CSF2: variants seen among roughly 807,000 people sequenced by gnomAD.
CSF2 encodes the protein colony stimulating factor 2.
CSF2 carries 2 observed loss-of-function variants against 13.5 expected under a neutral mutation model. The observed-to-expected ratio is 0.15, with a 90% CI of 0.06 to 0.47. CSF2 has a LOEUF of 0.47. CSF2 is among the 20% of genes least tolerant of loss of function. The pLI is 0.97. For synonymous variants in CSF2, 66 were observed against 69.2 expected (o/e 0.95, Z 0.23); for missense variants, 141 against 179.7 (o/e 0.78, Z 1.23).
Position 132,075,999 on chromosome 5 carries a change from C to T in CSF2, c.*147C>T, listed in dbSNP as rs1756700430. The stretch of plus-strand genomic sequence containing the variant: ...TGGACCTGCCCTGGGCCACACTGAC[C>T]CTGATACAGGCATGGCAGAAGAATG... On this transcript the variant is annotated 3_prime_UTR_variant, in exon 4 of 4. Transcript: ENST00000296871. 1.9e-5 allele frequency: 13 copies of T among 681,616 alleles called. No homozygotes were observed. The South Asian group carries it at 2.0e-4, about 10-fold the overall frequency. 42.2% of individuals were successfully genotyped at this position (681,616 alleles called of 1,614,324 possible).
intron 3 of CSF2, 61 bp downstream of exon 3, chr5:132,074,996 T>C (rs1756683863): frequency 6.2e-7 from 1 of 1,610,590 alleles, no homozygotes; most frequent in Non-Finnish European, 8.5e-7. Context: ...GGGGTCGACA[T>C]GGGGAGAGAT....
chr5:132,075,922 T>C lies in CSF2; in HGVS notation c.*70T>C, dbSNP rs576557140. 2.2e-5 allele frequency: 28 copies of C among 1,296,930 alleles called. No homozygotes were observed. In the East Asian group the frequency reaches 4.4e-4, roughly 20 times the overall value. The allele number at this position is 1,296,930 out of a possible 1,614,324, so 80.3% of individuals were successfully genotyped here. A position where few individuals can be genotyped will look rare whatever the true frequency, so the allele number is the denominator to read the frequency against. On this transcript the variant is annotated 3_prime_UTR_variant, in exon 4 of 4. Transcript: ENST00000296871. Reference sequence around the variant, plus strand: ...TGAAACAAGAGCTAGAAACTCAGGATGGTCATCTTGGAGGGACCAAGGGGT... The same window carrying C: ...TGAAACAAGAGCTAGAAACTCAGGACGGTCATCTTGGAGGGACCAAGGGGT...
intron 3 of CSF2, among the ~76,000 whole-genome samples, chr5:132,075,362 C>CTCAG (rs1305744557): frequency 2.0e-5 from 3 of 152,238 alleles, no homozygotes; most frequent in Non-Finnish European, 4.4e-5. Flanking sequence ...GGACAAGGAC[C>CTCAG]TCAGGCACTC....
intron 2 of CSF2, 82 bp downstream of exon 2, chr5:132,074,204 C>A: frequency 6.7e-7 from 1 of 1,487,130 alleles, no homozygotes; most frequent in Non-Finnish European, 9.3e-7. Context: ...GATGGCACCA[C>A]ACAGGGTTGT....
intron 2 of CSF2, among the ~76,000 whole-genome samples, chr5:132,074,370 G>A (rs1361817839): frequency 6.6e-6 from 1 of 152,212 alleles, no homozygotes; most frequent in Non-Finnish European, 1.5e-5. Context: ...AGTCACCAGG[G>A]GACAGGTGGT....
Position 132,075,885 on chromosome 5 carries a change from G to A in CSF2, c.*33G>A. On this transcript the variant is annotated 3_prime_UTR_variant, in exon 4 of 4. Transcript: ENST00000296871. ...CAGATGAGGCTGGCCAAGCCGGGGA[G>A]CTGCTCTCTCATGAAACAAGAGCTA... 2 of 1,493,642 alleles carry A rather than the reference G, an allele frequency of 1.3e-6. No individual in the cohort carries two copies. Among genetic ancestry groups the A allele is most frequent in the Non-Finnish European group, 1.9e-6 (2 of 1,079,042 alleles). The allele number at this position is 1,493,642 out of a possible 1,614,324, so 92.5% of individuals were successfully genotyped here.
Position 132,074,061 on chromosome 5 carries a change from G to A in CSF2, c.160-20G>A, listed in dbSNP as rs1425833937. On this transcript the variant is annotated intron_variant, in intron 1 of 3. Coordinates refer to ENST00000296871, the MANE Select transcript of CSF2 (RefSeq NM_000758.4). ...GCCACGCCTGTCAGCTTGATAACATGACATTTTCCTTTTCTACAGAATGAA... is the reference window on the plus strand; with the variant it reads ...GCCACGCCTGTCAGCTTGATAACATAACATTTTCCTTTTCTACAGAATGAA... 1 of 1,613,868 alleles carries A rather than the reference G, an allele frequency of 6.2e-7. No homozygotes were observed. The highest frequency in any genetic ancestry group is 1.7e-5 in the Admixed American group (1 of 60,024).
chr5:132,074,200 A>G, intron 2 of CSF2, 78 bp downstream of exon 2: 1 of 1,502,760 alleles, frequency 6.7e-7, no homozygotes, highest in Non-Finnish European at 9.2e-7. Flanking sequence ...TTTAGATGGC[A>G]CCACACAGGG....
At position 132,075,940 on chromosome 5, in the gene CSF2, C is replaced by G; in HGVS notation, c.*88C>G. The G allele has an allele frequency of 9.0e-7, 1 of 1,107,192 alleles. No individual in the cohort carries two copies. The highest frequency in any genetic ancestry group is 1.4e-6 in the Non-Finnish European group (1 of 733,754). 68.6% of individuals were successfully genotyped at this position (1,107,192 alleles called of 1,614,324 possible). A position where few individuals can be genotyped will look rare whatever the true frequency, so the allele number is the denominator to read the frequency against. ...CTCAGGATGGTCATCTTGGAGGGAC[C>G]AAGGGGTGGGCCACAGCCATGGTGG... is the stretch of plus-strand genomic sequence containing the variant. On this transcript the variant is annotated 3_prime_UTR_variant, in exon 4 of 4. Transcript: ENST00000296871.
At chr5:132,074,614 G>T (rs1756677014) in intron 2 of CSF2, among the ~76,000 whole-genome samples, 196 bp from the exon 3 acceptor site, 2 of 152,146 alleles carry the variant, frequency 1.3e-5, no homozygotes, top group Admixed American at 6.5e-5. Context: ...CGCTGAGGGT[G>T]GCCTGGGCGG....
chr5:132,073,887 T>G lies in CSF2; in HGVS notation c.64T>G (p.Ser22Ala), dbSNP rs1484175837. The G allele has an allele frequency of 1.2e-6, 2 of 1,612,984 alleles. No homozygotes were observed. The highest frequency in any genetic ancestry group is 1.6e-4 in the Middle Eastern group (1 of 6,066). The change falls in exon 1 of 4, where the codon TCG becomes GCG. Residue 22 changes from serine (S) to alanine (A), a missense_variant. Transcript: ENST00000296871. ...VACSISAPAR[S>A]PSPSTQPWEH... The stretch of plus-strand genomic sequence containing the variant: ...CTGCAGCATCTCTGCACCCGCCCGC[T>G]CGCCCAGCCCCAGCACGCAGCCCTG...
chr5:132,075,843 C>G lies in CSF2; in HGVS notation c.426C>G (p.Val142=), dbSNP rs564912678. 1 of 1,608,848 alleles carries G rather than the reference C, an allele frequency of 6.2e-7. No individual in the cohort carries two copies. Among genetic ancestry groups the G allele is most frequent in the South Asian group, 1.1e-5 (1 of 91,040 alleles). The change falls in exon 4 of 4, where the codon GTC becomes GTG. Residue 142 remains valine (V), a synonymous_variant. Transcript: ENST00000296871. ...LVIPFDCWEP[V]QE ...TCCCCTTTGACTGCTGGGAGCCAGT[C>G]CAGGAGTGAGACCGGCCAGATGAGG... is the stretch of plus-strand genomic sequence containing the variant.
In CSF2 at chr5:132,073,955, C is replaced by T. The variant is rs752575776; in HGVS notation, c.132C>T (p.Asn44=). 2 of 1,613,498 alleles carry T rather than the reference C, an allele frequency of 1.2e-6. No individual in the cohort carries two copies. The highest frequency in any genetic ancestry group is 2.2e-5 in the South Asian group (2 of 91,082). The change falls in exon 1 of 4, where the codon AAC becomes AAT. Residue 44 remains asparagine, a synonymous_variant. Coordinates refer to ENST00000296871, the MANE Select transcript of CSF2 (RefSeq NM_000758.4). ...TCCAGGAGGCCCGGCGTCTCCTGAA[C>T]CTGAGTAGAGACACTGCTGCTGAGA... The part of the protein sequence containing the change: ...NAIQEARRLL[N]LSRDTAAEMN...
rs13306290 is a variant in CSF2, at chr5:132,074,976, T to C, written c.327+41T>C. On this transcript the variant is annotated intron_variant, in intron 3 of 3. Coordinates refer to ENST00000296871, the MANE Select transcript of CSF2 (RefSeq NM_000758.4). ...AGGGCCTCCAGCAGGAATGTCTTAA[T>C]CTAGGGGGTGGGGTCGACATGGGGA... 178 of 1,612,278 alleles carry C rather than the reference T, an allele frequency of 1.1e-4. No homozygotes were observed. In the East Asian group the frequency reaches 3.9e-3, roughly 35 times the overall value.
rs577891805 is a variant in CSF2, at chr5:132,075,734, T to C, written c.328-11T>C. ...TGGACTCAAGTGTTTTTTATTTTTCTTTTTTTAAAGGAAACTTCCTGTGCA... is the reference window on the plus strand; with the variant it reads ...TGGACTCAAGTGTTTTTTATTTTTCCTTTTTTAAAGGAAACTTCCTGTGCA... On this transcript the variant is annotated splice_polypyrimidine_tract_variant and intron_variant, in intron 3 of 3. Transcript: ENST00000296871. 1 of 1,596,802 alleles carries C rather than the reference T, an allele frequency of 6.3e-7. No homozygotes were observed. The highest frequency in any genetic ancestry group is 1.3e-5 in the African/African-American group (1 of 74,750).
Position 132,074,122 on chromosome 5 carries a change from G to A in CSF2, c.201G>A (p.Gln67=). The A allele has an allele frequency of 6.2e-7, 1 of 1,613,998 alleles. No individual in the cohort carries two copies. The highest frequency in any genetic ancestry group is 8.5e-7 in the Non-Finnish European group (1 of 1,180,034). Residue 67 remains glutamine, a splice_region_variant and synonymous_variant, in exon 2 of 4, where the codon CAG becomes CAA. Transcript: ENST00000296871. ...TCATCTCAGAAATGTTTGACCTCCA[G>A]GTAAGATGCTTCTCTCTGACATAGC... ...VEVISEMFDL[Q]EPTCLQTRLE... is the part of the protein sequence containing the mutation.
intron 2 of CSF2, 77 bp downstream of exon 2, chr5:132,074,199 C>A: frequency 6.6e-7 from 1 of 1,509,828 alleles, no homozygotes; most frequent in Admixed American, 1.7e-5. Context: ...TTTTAGATGG[C>A]ACCACACAGG....
chr5:132,074,795 C>A lies in CSF2; in HGVS notation c.202-15C>A. On this transcript the variant is annotated splice_polypyrimidine_tract_variant and intron_variant, in intron 2 of 3. Coordinates refer to ENST00000296871, the MANE Select transcript of CSF2 (RefSeq NM_000758.4). ...CACTTGGCCACTGCTCACCGACGAACGACATTTTCCACAGGAGCCGACCTG... is the reference window on the plus strand; with the variant it reads ...CACTTGGCCACTGCTCACCGACGAAAGACATTTTCCACAGGAGCCGACCTG... 1 of 1,613,838 alleles carries A rather than the reference C, an allele frequency of 6.2e-7. No individual in the cohort carries two copies. Among genetic ancestry groups the A allele is most frequent in the South Asian group, 1.1e-5 (1 of 91,086 alleles).
At position 132,073,799 on chromosome 5, in the gene CSF2, G is replaced by C. The variant is rs1756664789; in HGVS notation, c.-25G>C. 2.5e-6 allele frequency: 4 copies of C among 1,611,528 alleles called. No homozygotes were observed. In the East Asian group the frequency reaches 8.9e-5, roughly 36 times the overall value. On this transcript the variant is annotated 5_prime_UTR_variant, in exon 1 of 4. Coordinates refer to ENST00000296871, the MANE Select transcript of CSF2 (RefSeq NM_000758.4). Reference sequence around the variant, plus strand: ...TTTGCCAGTGAGCCCAGTACACAGAGAGAAAGGCTAAAGTTCTCTGGAGGA... The same window carrying C: ...TTTGCCAGTGAGCCCAGTACACAGACAGAAAGGCTAAAGTTCTCTGGAGGA...
Sources: gnomAD v4.1 joint callset for allele counts (sites outside exome capture counted in the v4.1 genomes callset) on GRCh38, gnomAD v4.1.1 for gene constraint, MANE v1.5 for transcripts, NCBI Gene and HGNC (gene_info 2026-07-23, HGNC 2026-07-21) for gene names.